CRPPA: variants seen among roughly 807,000 people sequenced by gnomAD.
CRPPA encodes the protein D-ribitol-5-phosphate cytidylyltransferase.
CRPPA carries 43 observed loss-of-function variants against 52.0 expected under a neutral mutation model. That is an observed-to-expected ratio of 0.83 (90% CI 0.65 to 1.07). The LOEUF (loss-of-function observed/expected upper bound fraction) is 1.07, where lower values mean the gene tolerates loss of function less well. Ranked by LOEUF, CRPPA falls within the 50% of genes least tolerant of loss-of-function variation. CRPPA has a pLI of 0.00. For missense variants in CRPPA, 629 were observed against 551.7 expected, an observed-to-expected ratio of 1.14 and a Z score of -1.40; for synonymous variants, 250 against 203.5, an observed-to-expected ratio of 1.23 and a Z score of -1.94.
chr7:16,351,331 A>G (rs1786146412), intron 3 of CRPPA, among the ~76,000 whole-genome samples: 1 of 152,156 alleles, frequency 6.6e-6, no homozygotes, highest in Admixed American at 6.5e-5. Context: ...AGGTAATACC[A>G]TTCAGGACAT....
intron 9 of CRPPA, among the ~76,000 whole-genome samples, chr7:16,144,135 C>T (rs1365759663): frequency 6.6e-6 from 1 of 152,178 alleles, no homozygotes; most frequent in Non-Finnish European, 1.5e-5. Context: ...GCCCACAGAC[C>T]TTGATACCAG....
intron 2 of CRPPA, among the ~76,000 whole-genome samples, chr7:16,398,974 G>A (rs778678773): frequency 1.3e-5 from 2 of 152,190 alleles, no homozygotes; most frequent in African/African-American, 2.4e-5. Context: ...CACCTGACCA[G>A]CCCATGGCCG....
At chr7:16,232,002 A>G (rs1008469067) in intron 8 of CRPPA, among the ~76,000 whole-genome samples, 1 of 152,154 alleles carries the variant, frequency 6.6e-6, no homozygotes, top group African/African-American at 2.4e-5. Flanking sequence ...AGACCAAGGT[A>G]GACAGAATAG....
intron 9 of CRPPA, among the ~76,000 whole-genome samples, chr7:16,136,935 T>C (rs956946985): frequency 6.6e-6 from 1 of 152,234 alleles, no homozygotes; most frequent in Non-Finnish European, 1.5e-5. Flanking sequence ...TTAAACCCAT[T>C]AAGATAATTT....
chr7:16,348,003 T>C (rs1786058628), intron 3 of CRPPA, among the ~76,000 whole-genome samples: 1 of 152,108 alleles, frequency 6.6e-6, no homozygotes, highest in Non-Finnish European at 1.5e-5. Flanking sequence ...GGACTATAAA[T>C]AGCTCCCCAT....
At chr7:16,220,983 C>A (rs982299044) in intron 8 of CRPPA, among the ~76,000 whole-genome samples, 9 of 152,018 alleles carry the variant, frequency 5.9e-5, no homozygotes, top group Admixed American at 3.9e-4. Context: ...GCCCGCATCA[C>A]CAAGGCAATC....
At chr7:16,190,649 C>G (rs1781590744) in intron 9 of CRPPA, among the ~76,000 whole-genome samples, 1 of 151,968 alleles carries the variant, frequency 6.6e-6, no homozygotes, top group African/African-American at 2.4e-5. Flanking sequence ...TTTTGCAGAA[C>G]AGGTGGTATT....
intron 2 of CRPPA, among the ~76,000 whole-genome samples, chr7:16,378,833 G>A (rs1786986666): frequency 6.6e-6 from 1 of 152,118 alleles, no homozygotes; most frequent in South Asian, 2.1e-4. Flanking sequence ...TCTCACTGTG[G>A]TTTTGATTTG....
At chr7:16,307,309 TA>T (rs1195586474) in intron 4 of CRPPA, among the ~76,000 whole-genome samples, 1 of 152,160 alleles carries the variant, frequency 6.6e-6, no homozygotes, top group Non-Finnish European at 1.5e-5. Flanking sequence ...AATCACACTC[TA>T]AACCATCCCT....
intron 3 of CRPPA, among the ~76,000 whole-genome samples, chr7:16,335,949 G>A (rs939580051): frequency 6.6e-6 from 1 of 152,198 alleles, no homozygotes; most frequent in African/African-American, 2.4e-5. Flanking sequence ...GGCCAGGATA[G>A]AGTAGGATAA....
rs188433907 is a variant in CRPPA at position 16,291,462 on chromosome 7, T to C, written c.835+9959A>G. ...CATGGATAGAACTGGAAGTCATTAT[T>C]TTAAGTTATATAGGCCAGGAAGAGA... On this transcript the variant is annotated intron_variant, in intron 5 of 9. Transcript: ENST00000407010. Among the ~76,000 whole-genome samples, 61 of 152,032 alleles carry C rather than the reference T, an allele frequency of 4.0e-4. 1 individual carries two copies. The East Asian group carries it at 4.8e-3, about 12-fold the overall frequency.
At chr7:16,236,492 T>C (rs1248722052) in intron 8 of CRPPA, among the ~76,000 whole-genome samples, 3 of 152,276 alleles carry the variant, frequency 2.0e-5, no homozygotes, top group African/African-American at 7.2e-5. Context: ...CTTAAACTTA[T>C]TGCTAACAGG....
intron 8 of CRPPA, among the ~76,000 whole-genome samples, chr7:16,228,950 A>G (rs1385227399): frequency 2.0e-5 from 3 of 151,884 alleles, no homozygotes; most frequent in Non-Finnish European, 4.4e-5. Flanking sequence ...ATCTATTAAT[A>G]TTTGCTTCAT....
At chr7:16,224,710 G>C (rs1782604726) in intron 8 of CRPPA, among the ~76,000 whole-genome samples, 1 of 151,954 alleles carries the variant, frequency 6.6e-6, no homozygotes, top group African/African-American at 2.4e-5. Context: ...GAAATATAAT[G>C]AATCTAAAAA....
chr7:16,308,678 T>G lies in CRPPA; in HGVS notation c.685-51A>C, dbSNP rs1784969765. The G allele has an allele frequency of 4.6e-6, 5 of 1,079,282 alleles. No individual in the cohort carries two copies. The South Asian group carries it at 5.3e-5, about 11-fold the overall frequency. The allele number at this position is 1,079,282 out of a possible 1,614,324, so 66.9% of individuals were successfully genotyped here. ...AATTAAGCTAAAATGCGATTTTAAG[T>G]AAAACCAAGCCTTTTATTTCATAAT... On this transcript the variant is annotated intron_variant, in intron 3 of 9. Transcript: ENST00000407010.
intron 5 of CRPPA, among the ~76,000 whole-genome samples, chr7:16,297,892 T>C (rs956597635): frequency 6.6e-6 from 1 of 152,192 alleles, no homozygotes; most frequent in African/African-American, 2.4e-5. Context: ...CATGAGCCAA[T>C]CCCTCAAAAT....
intron 2 of CRPPA, among the ~76,000 whole-genome samples, chr7:16,396,142 A>G (rs1182195836): frequency 6.6e-6 from 1 of 152,222 alleles, no homozygotes; most frequent in African/African-American, 2.4e-5. Flanking sequence ...TATGGTATCC[A>G]ATAAGCCAGG....
chr7:16,269,920 G>A (rs1784052955), intron 6 of CRPPA: 1 of 152,152 alleles, frequency 6.6e-6, no homozygotes, highest in African/African-American at 2.4e-5. Context: ...TTAATGACAT[G>A]AAGTGAAATG....
intron 9 of CRPPA, among the ~76,000 whole-genome samples, chr7:16,194,852 T>A (rs1281455888): frequency 2.0e-5 from 3 of 151,184 alleles, no homozygotes; most frequent in Non-Finnish European, 4.4e-5. Flanking sequence ...CTTTTGGTTT[T>A]TTTTTTTCTC....
Sources: allele counts gnomAD v4.1 joint callset (sites outside exome capture counted in the v4.1 genomes callset), GRCh38; gene constraint gnomAD v4.1.1; transcripts MANE v1.5; gene names NCBI Gene and HGNC (gene_info 2026-07-23, HGNC 2026-07-21).